ERI3: variants seen among roughly 807,000 people sequenced by gnomAD.
The protein encoded by ERI3 is ERI1 exoribonuclease 3.
ERI3 carries 18 observed loss-of-function variants against 44.4 expected under a neutral mutation model. The ratio of observed to expected loss-of-function variants is 0.41; its 90% CI spans 0.28 to 0.60. The LOEUF (loss-of-function observed/expected upper bound fraction) is 0.60. Among genes scored for constraint, ERI3 ranks in the 20% least tolerant of loss-of-function variants. The pLI is 0.36. For missense variants in ERI3, 294 were observed against 435.5 expected, an observed-to-expected ratio of 0.68 and a Z score of 2.89; for synonymous variants, 183 against 164.8, an observed-to-expected ratio of 1.11 and a Z score of -0.84.
intron 7 of ERI3, among the ~76,000 whole-genome samples, chr1:44,272,989 G>A (rs1645117678): frequency 6.6e-6 from 1 of 151,856 alleles, no homozygotes; most frequent in Non-Finnish European, 1.5e-5. Context: ...CCTGAAGAAC[G>A]AAGGGAATGT....
At position 44,353,015 on chromosome 1, in the gene ERI3, T is replaced by C. The variant is rs1219482154; in HGVS notation, c.136-90A>G. 6 of 1,582,952 alleles carry C rather than the reference T, an allele frequency of 3.8e-6. No individual in the cohort carries two copies. The African/African-American group carries it at 8.1e-5, about 21-fold the overall frequency. Reference sequence around the variant, plus strand: ...GGATACTACACCTCAAACTCTAAACTCAAACTTCGGGATAACTGCTATCTA... The same window carrying C: ...GGATACTACACCTCAAACTCTAAACCCAAACTTCGGGATAACTGCTATCTA... On this transcript the variant is annotated intron_variant, in intron 1 of 8. Transcript: ENST00000372257.
At chr1:44,340,889 T>C (rs770308657) in intron 2 of ERI3, among the ~76,000 whole-genome samples, 6 of 152,162 alleles carry the variant, frequency 3.9e-5, no homozygotes, top group Non-Finnish European at 7.4e-5. Flanking sequence ...AGAGGGCCAA[T>C]ATCCCTTTGA....
At chr1:44,267,055 A>G (rs1432159371) in intron 7 of ERI3, among the ~76,000 whole-genome samples, 1 of 152,058 alleles carries the variant, frequency 6.6e-6, no homozygotes, top group Non-Finnish European at 1.5e-5. Context: ...ATTTGCCCCA[A>G]AGCAAGCCAT....
intron 3 of ERI3, among the ~76,000 whole-genome samples, chr1:44,337,489 A>G (rs1201758266): frequency 6.6e-6 from 1 of 152,216 alleles, no homozygotes; most frequent in Non-Finnish European, 1.5e-5. Flanking sequence ...ATGGAAGAAG[A>G]CTACAGTATA....
intron 8 of ERI3, among the ~76,000 whole-genome samples, chr1:44,222,970 G>A (rs1245026132): frequency 6.6e-6 from 1 of 152,250 alleles, no homozygotes; most frequent in South Asian, 2.1e-4. Flanking sequence ...GCAGTAGGAG[G>A]GCACAGTCTC....
intron 6 of ERI3, among the ~76,000 whole-genome samples, chr1:44,290,457 C>G (rs1645482336): frequency 6.6e-6 from 1 of 152,190 alleles, no homozygotes; most frequent in African/African-American, 2.4e-5. Context: ...AATACACTCT[C>G]AAAGAATGCT....
At chr1:44,287,825 G>A (rs930150254) in intron 6 of ERI3, among the ~76,000 whole-genome samples, 51 of 152,254 alleles carry the variant, frequency 3.3e-4, no homozygotes, top group African/African-American at 1.2e-3. Flanking sequence ...ATCACATTAA[G>A]GTCTATGAGT....
chr1:44,276,017 G>A (rs933581806), intron 7 of ERI3, among the ~76,000 whole-genome samples: 3 of 152,196 alleles, frequency 2.0e-5, no homozygotes, highest in Non-Finnish European at 4.4e-5. Flanking sequence ...AAGTGAAGGG[G>A]AGCCAGCTTG....
intron 7 of ERI3, among the ~76,000 whole-genome samples, chr1:44,265,388 A>G (rs1366957048): frequency 6.6e-6 from 1 of 152,216 alleles, no homozygotes; most frequent in East Asian, 1.9e-4. Flanking sequence ...TTGCTATTAC[A>G]TCAGAAGTGG....
intron 2 of ERI3, among the ~76,000 whole-genome samples, chr1:44,351,440 T>C (rs1442840459): frequency 2.0e-5 from 3 of 152,208 alleles, no homozygotes; most frequent in Non-Finnish European, 2.9e-5. Flanking sequence ...CTATGTCCCA[T>C]GGGCCAAATC....
chr1:44,311,080 G>A (rs934648490), intron 5 of ERI3, among the ~76,000 whole-genome samples: 3 of 150,558 alleles, frequency 2.0e-5, no homozygotes. Flanking sequence ...TGAAACTAGG[G>A]CTCCCTAAAT....
chr1:44,306,421 G>C (rs6697117), intron 6 of ERI3, among the ~76,000 whole-genome samples: 1 of 152,288 alleles, frequency 6.6e-6, no homozygotes, highest in East Asian at 1.9e-4. Flanking sequence ...GATGCGGTAA[G>C]GTATGCGCTC....
intron 7 of ERI3, among the ~76,000 whole-genome samples, chr1:44,257,499 A>G (rs1158747118): frequency 6.6e-6 from 1 of 152,208 alleles, no homozygotes; most frequent in African/African-American, 2.4e-5. Context: ...TCAGGAAAGA[A>G]GCCTGGGGGC....
intron 3 of ERI3, among the ~76,000 whole-genome samples, chr1:44,325,128 G>A (rs1259090067): frequency 2.1e-5 from 3 of 144,466 alleles, no homozygotes; most frequent in Non-Finnish European, 4.5e-5. Context: ...TCAGGCTGGA[G>A]TGCAATGGCA....
chr1:44,301,540 A>G (rs1453566549), intron 6 of ERI3, among the ~76,000 whole-genome samples: 2 of 152,236 alleles, frequency 1.3e-5, no homozygotes, highest in African/African-American at 2.4e-5. Context: ...CCAAATATGT[A>G]CTGCCACAGG....
In ERI3 at chr1:44,230,058, C is replaced by T. The variant is rs1394395390; in HGVS notation, c.932-8418G>A. 5.3e-5 allele frequency among the ~76,000 whole-genome samples: 8 copies of T among 152,130 alleles called. No individual in the cohort carries two copies. In the East Asian group the frequency reaches 5.8e-4, roughly 11 times the overall value. On this transcript the variant is annotated intron_variant, in intron 8 of 8. Coordinates refer to ENST00000372257, the MANE Select transcript of ERI3 (RefSeq NM_024066.3). The stretch of plus-strand genomic sequence containing the variant: ...CTTATTACACGCCTTGTTAGAGTAT[C>T]GAGCTCTATTGACTGATGATAAATC...
intron 3 of ERI3, among the ~76,000 whole-genome samples, chr1:44,320,752 G>C (rs1210558345): frequency 6.6e-6 from 1 of 151,818 alleles, no homozygotes; most frequent in Non-Finnish European, 1.5e-5. Context: ...AACATGAATG[G>C]AATTAGTTTA....
intron 5 of ERI3, 110 bp downstream of exon 5, chr1:44,313,058 TA>T: frequency 1.1e-6 from 1 of 911,454 alleles, no homozygotes; most frequent in Non-Finnish European, 1.8e-6. Context: ...AATGTTATTC[TA>T]ATCAAGCCAT....
At chr1:44,310,957 G>GCGCGCA (rs1553195214) in intron 5 of ERI3, among the ~76,000 whole-genome samples, 1 of 76,722 alleles carries the variant, frequency 1.3e-5, no homozygotes, top group Non-Finnish European at 2.6e-5. Flanking sequence ...CACATCGCGC[G>GCGCGCA]CGCGCGCACA....
Sources: allele counts gnomAD v4.1 joint callset (sites outside exome capture counted in the v4.1 genomes callset), GRCh38; gene constraint gnomAD v4.1.1; transcripts MANE v1.5; gene names NCBI Gene and HGNC (gene_info 2026-07-23, HGNC 2026-07-21).